Variants in CREB5 observed in about 807,000 individuals in gnomAD.
CREB5 encodes cAMP responsive element binding protein 5.
Under a neutral mutation model 57.1 loss-of-function variants are expected in CREB5, and 19 were observed. That is an observed-to-expected ratio of 0.33 (90% CI 0.23 to 0.49). The LOEUF is 0.49. CREB5 is among the 20% of genes least tolerant of loss of function. CREB5 has a pLI of 0.99. For missense variants in CREB5, 579 were observed against 671.6 expected (o/e 0.86, Z 1.52); for synonymous variants, 238 against 238.3 (o/e 1.00, Z 0.01).
chr7:28,455,720 C>T (rs1238977173), intron 1 of CREB5, among the ~76,000 whole-genome samples: 1 of 151,994 alleles, frequency 6.6e-6, no homozygotes, highest in African/African-American at 2.4e-5. Flanking sequence ...TGAAACACTG[C>T]AAAGCCAGTA....
chr7:28,509,673 G>C (rs1014438748), intron 4 of CREB5, among the ~76,000 whole-genome samples: 1 of 152,150 alleles, frequency 6.6e-6, no homozygotes, highest in South Asian at 2.1e-4. Flanking sequence ...GGTTGAAAAA[G>C]AGTATAGATA....
chr7:28,711,452 T>C (rs1458616067), intron 5 of CREB5, among the ~76,000 whole-genome samples: 4 of 152,162 alleles, frequency 2.6e-5, no homozygotes, highest in Non-Finnish European at 5.9e-5. Context: ...GGGGAAATAT[T>C]ATATCTGCTC....
intron 5 of CREB5, among the ~76,000 whole-genome samples, chr7:28,626,371 G>A (rs1562534875): frequency 6.6e-6 from 1 of 152,136 alleles, no homozygotes; most frequent in Non-Finnish European, 1.5e-5. Context: ...CTGGCTATAT[G>A]CCCAGGCTTG....
At position 28,622,257 on chromosome 7, in the gene CREB5, T is replaced by TCACA. The variant is rs879826524; in HGVS notation, c.464+51721_464+51722insACAC. Among the ~76,000 whole-genome samples the TCACA allele has an allele frequency of 3.1e-3, 429 of 139,298 alleles. 5 individuals are homozygous for TCACA. Among genetic ancestry groups the TCACA allele is most frequent in the African/African-American group, 9.6e-3 (334 of 34,714 alleles). 91.4% of individuals were successfully genotyped at this position (139,298 alleles called of 152,430 possible). On this transcript the variant is annotated intron_variant, in intron 5 of 10. Transcript: ENST00000357727. ...TATACACACATTCTCTCTCTCTCTC[T>TCACA]CTCACACACACACACACACACACAC...
intron 5 of CREB5, among the ~76,000 whole-genome samples, chr7:28,669,582 T>G (rs1412605025): frequency 6.6e-6 from 1 of 151,704 alleles, no homozygotes; most frequent in East Asian, 1.9e-4. Flanking sequence ...ACAACACTTC[T>G]GAAAATCGGA....
At chr7:28,610,173 A>G (rs1428481022) in intron 5 of CREB5, among the ~76,000 whole-genome samples, 2 of 152,126 alleles carry the variant, frequency 1.3e-5, no homozygotes, top group African/African-American at 2.4e-5. Context: ...TCAGAGCTAC[A>G]GGGATGTCTC....
chr7:28,407,883 C>T (rs1277006497), upstream of CREB5, among the ~76,000 whole-genome samples: 2 of 152,240 alleles, frequency 1.3e-5, no homozygotes, highest in Non-Finnish European at 2.9e-5. Flanking sequence ...TGGCAAACTG[C>T]ACCGTCATGG....
intron 4 of CREB5, among the ~76,000 whole-genome samples, chr7:28,523,151 C>T (rs1793284034): frequency 1.3e-5 from 2 of 152,202 alleles, no homozygotes; most frequent in Non-Finnish European, 2.9e-5. Flanking sequence ...CCCTGGGTCT[C>T]TTAGGGCATA....
At chr7:28,689,723 A>G (rs543496895) in intron 5 of CREB5, among the ~76,000 whole-genome samples, 17 of 152,220 alleles carry the variant, frequency 1.1e-4, no homozygotes, top group Admixed American at 2.0e-4. Flanking sequence ...ATAGAAACTT[A>G]TCAAGTAGTC....
rs181981058 is a variant in CREB5 at position 28,711,344 on chromosome 7, C to T, written c.465-7409C>T. On this transcript the variant is annotated intron_variant, in intron 5 of 10. Transcript: ENST00000357727. Reference sequence around the variant, plus strand: ...CAGCCCTCCCTTGAGCCTAAGAAAGCGTGGAAAGAGAGAATACATGTTTTA... The same window carrying T: ...CAGCCCTCCCTTGAGCCTAAGAAAGTGTGGAAAGAGAGAATACATGTTTTA... Among the ~76,000 whole-genome samples the T allele has an allele frequency of 7.9e-5, 12 of 152,272 alleles. No individual in the cohort carries two copies. The East Asian group carries it at 1.9e-3, about 24-fold the overall frequency.
intron 5 of CREB5, among the ~76,000 whole-genome samples, chr7:28,711,886 T>C (rs1474198969): frequency 6.6e-6 from 1 of 152,212 alleles, no homozygotes; most frequent in Non-Finnish European, 1.5e-5. Flanking sequence ...AATTTTTTAT[T>C]GTAGTATGGT....
intron 7 of CREB5, among the ~76,000 whole-genome samples, chr7:28,799,371 T>C (rs117499005): frequency 8.5e-5 from 13 of 152,256 alleles, no homozygotes; most frequent in Non-Finnish European, 1.0e-4. Context: ...CAAATAACAA[T>C]GTGCCTATTA....
At chr7:28,641,452 C>T (rs955180538) in intron 5 of CREB5, among the ~76,000 whole-genome samples, 2 of 152,126 alleles carry the variant, frequency 1.3e-5, no homozygotes, top group Non-Finnish European at 2.9e-5. Flanking sequence ...TAGTGACTTG[C>T]CAACACCCAC....
intron 5 of CREB5, among the ~76,000 whole-genome samples, chr7:28,636,368 T>G (rs1798417583): frequency 6.6e-6 from 1 of 152,290 alleles, no homozygotes; most frequent in South Asian, 2.1e-4. Flanking sequence ...ATGAAAAGAT[T>G]GGCAGGGATT....
intron 7 of CREB5, among the ~76,000 whole-genome samples, chr7:28,745,060 G>A (rs528347328): frequency 3.9e-5 from 6 of 152,222 alleles, no homozygotes; most frequent in African/African-American, 7.2e-5. Context: ...ACCGTGTACT[G>A]TGCATTTGCA....
At position 28,560,469 on chromosome 7, in the gene CREB5, A is replaced by G. The variant is rs1453485893; in HGVS notation, c.292-9896A>G. 2.0e-5 allele frequency among the ~76,000 whole-genome samples: 3 copies of G among 152,084 alleles called. No individual in the cohort carries two copies. The East Asian group carries it at 5.8e-4, about 29-fold the overall frequency. On this transcript the variant is annotated intron_variant, in intron 4 of 10. Coordinates refer to ENST00000357727, the MANE Select transcript of CREB5 (RefSeq NM_182898.4). ...GAGAGTAGCATTAGGAAAGTGCTGA[A>G]TTACATCAATTAATTGGAGAACAGG...
At chr7:28,694,156 T>C (rs925037164) in intron 5 of CREB5, among the ~76,000 whole-genome samples, 1 of 152,234 alleles carries the variant, frequency 6.6e-6, no homozygotes, top group South Asian at 2.1e-4. Context: ...CCTTCTTATT[T>C]ATCTAACACT....
intron 4 of CREB5, among the ~76,000 whole-genome samples, chr7:28,544,913 G>T (rs1794359031): frequency 6.6e-6 from 1 of 152,218 alleles, no homozygotes; most frequent in Non-Finnish European, 1.5e-5. Flanking sequence ...GAACAGCTCT[G>T]CTTGGTGAAT....
rs1211404751 is a variant in CREB5 at position 28,560,913 on chromosome 7, T to TGTGTGTGCGC, written c.292-9451_292-9450insTGTGTGCGCG. Among the ~76,000 whole-genome samples the TGTGTGTGCGC allele has an allele frequency of 9.5e-4, 21 of 21,994 alleles. 1 individual carries two copies. Among genetic ancestry groups the TGTGTGTGCGC allele is most frequent in the African/African-American group, 3.3e-3 (20 of 5,998 alleles). The allele number at this position is 21,994 out of a possible 152,430, so 14.4% of individuals were successfully genotyped here. A position where few individuals can be genotyped will look rare whatever the true frequency, so the allele number is the denominator to read the frequency against. ...GTGTGTGTGCGTGCGCGCGTGCGTG[T>TGTGTGTGCGC]GCGTGTGTGCGCGTGCGTGTGTGCG... On this transcript the variant is annotated intron_variant, in intron 4 of 10. Coordinates refer to ENST00000357727, the MANE Select transcript of CREB5 (RefSeq NM_182898.4).
Sources: allele counts gnomAD v4.1 joint callset (sites outside exome capture counted in the v4.1 genomes callset), GRCh38; gene constraint gnomAD v4.1.1; transcripts MANE v1.5; gene names NCBI Gene and HGNC (gene_info 2026-07-23, HGNC 2026-07-21).